MYO9B: variants seen among roughly 807,000 people sequenced by gnomAD.
MYO9B encodes myosin IXB, also known as unconventional myosin-IXb.
Under a neutral mutation model 229.5 loss-of-function variants are expected in MYO9B, and 71 were observed. The ratio of observed to expected loss-of-function variants is 0.31; its 90% confidence interval spans 0.26 to 0.38. MYO9B has a LOEUF of 0.38. MYO9B is among the 10% of genes least tolerant of loss of function. The pLI, the probability that MYO9B is intolerant of heterozygous loss-of-function variation, is 1.00. For synonymous variants in MYO9B, 1,185 were observed against 1,235.8 expected (o/e 0.96, Z 0.86); for missense variants, 2,255 against 2,920.5 (o/e 0.77, Z 5.25).
At chr19:17,130,207 A>G (rs2072176850) in intron 2 of MYO9B, among the ~76,000 whole-genome samples, 1 of 152,134 alleles carries the variant, frequency 6.6e-6, no homozygotes, top group South Asian at 2.1e-4. Context: ...ACAGTGGCTC[A>G]CACCTGTAAT....
chr19:17,162,491 A>G, intron 9 of MYO9B, 25 bp downstream of exon 9: 1 of 1,538,276 alleles, frequency 6.5e-7, no homozygotes, highest in Non-Finnish European at 8.8e-7. Flanking sequence ...TTGCTTCCTC[A>G]AGCCCGGCCA....
chr19:17,081,758 G>A (rs1173700245), intron 1 of MYO9B, among the ~76,000 whole-genome samples: 4 of 147,082 alleles, frequency 2.7e-5, no homozygotes, highest in Admixed American at 6.9e-5. Context: ...GCAGTGAGCC[G>A]TGATCTTGTG....
chr19:17,189,663 C>CACAAGTCCTAGACTGT (rs2072959129), intron 19 of MYO9B, among the ~76,000 whole-genome samples: 1 of 151,996 alleles, frequency 6.6e-6, no homozygotes, highest in Non-Finnish European at 1.5e-5. Flanking sequence ...CTAACTCCCC[C>CACAAGTCCTAGACTGT]ACAAGTCCTA....
chr19:17,209,855 G>C, intron 36 of MYO9B, 146 bp downstream of exon 36: 2 of 1,130,898 alleles, frequency 1.8e-6, no homozygotes, highest in Non-Finnish European at 2.5e-6. Flanking sequence ...GACCTCCCAT[G>C]CCGAGGATGG....
intron 4 of MYO9B, 63 bp downstream of exon 4, chr19:17,152,769 A>C: frequency 6.9e-7 from 1 of 1,455,096 alleles, no homozygotes; most frequent in Non-Finnish European, 9.5e-7. Context: ...CCTCCTACAG[A>C]GGAGAGAAGC....
chr19:17,194,605 G>A lies in MYO9B; in HGVS notation c.3178G>A (p.Glu1060Lys). 6.2e-7 allele frequency: 1 copy of A among 1,612,840 alleles called. No individual in the cohort carries two copies. The highest frequency in any genetic ancestry group is 8.5e-7 in the Non-Finnish European group (1 of 1,179,872). The change falls in exon 22 of 40, where the codon GAA becomes AAA. Residue 1060 changes from glutamate (E) to lysine (K), a missense_variant. Glu to Lys is a moderately conservative substitution (Grantham distance 56). Transcript: ENST00000682292. ...GCAGAAGGCAGAAGAGAAGGAGAGG[G>A]AAGCCCTGGAAGCCGCAAGAGCAGG... ...EKQKAEEKER[E>K]ALEAARAGAE...
At chr19:17,087,201 G>A (rs557070910) in intron 1 of MYO9B, among the ~76,000 whole-genome samples, 2 of 152,110 alleles carry the variant, frequency 1.3e-5, no homozygotes, top group Non-Finnish European at 2.9e-5. Context: ...GGGCCTGGAG[G>A]GGTGGGCGTA....
chr19:17,185,070 G>A (rs1015803946), intron 17 of MYO9B, 83 bp downstream of exon 17: 40 of 1,587,862 alleles, frequency 2.5e-5, no homozygotes, highest in African/African-American at 1.2e-4. Context: ...AGCACAGCCC[G>A]TCTCTAGTAA....
At chr19:17,128,194 T>C (rs904154665) in intron 2 of MYO9B, among the ~76,000 whole-genome samples, 7 of 150,154 alleles carry the variant, frequency 4.7e-5, no homozygotes, top group Admixed American at 1.3e-4. Flanking sequence ...CTGGGCAACA[T>C]AGCAAGACCC....
intron 2 of MYO9B, among the ~76,000 whole-genome samples, chr19:17,108,755 C>T (rs181499413): frequency 1.7e-3 from 260 of 152,224 alleles, no homozygotes; most frequent in Non-Finnish European, 3.0e-3. Flanking sequence ...CTTGCTCTAT[C>T]GCCCAGGCTG....
intron 18 of MYO9B, among the ~76,000 whole-genome samples, chr19:17,187,317 C>G (rs768425047): frequency 6.6e-6 from 1 of 152,218 alleles, no homozygotes; most frequent in Non-Finnish European, 1.5e-5. Context: ...CGCCCCATCA[C>G]CTGTGTGTGA....
chr19:17,205,322 A>G lies in MYO9B; in HGVS notation c.5050A>G (p.Thr1684Ala), dbSNP rs1221975650. ...VHKIQSHCSY[T>A]YGRKGEPGVE... ...CAAGATTCAGAGCCACTGCTCCTACACCTACGGGAGGAAGGTGAGTGTACG... is the reference window on the plus strand; with the variant it reads ...CAAGATTCAGAGCCACTGCTCCTACGCCTACGGGAGGAAGGTGAGTGTACG... The change falls in exon 31 of 40, where the codon ACC becomes GCC. Residue 1684 changes from threonine (T) to alanine (A), a missense_variant. By Grantham distance (58) the Thr-to-Ala change is moderately conservative. Around this residue, in one of 7 missense-constraint regions of MYO9B, gnomAD observed 416 missense variants for 605.5 expected, o/e 0.69. Coordinates refer to ENST00000682292, the MANE Select transcript of MYO9B (RefSeq NM_004145.4). The G allele has an allele frequency of 6.2e-7, 1 of 1,613,642 alleles. No homozygotes were observed. The highest frequency in any genetic ancestry group is 1.7e-5 in the Admixed American group (1 of 60,008).
rs150342480 is a variant in MYO9B at position 17,115,561 on chromosome 19, C to T, written c.840+13004C>T. On this transcript the variant is annotated intron_variant, in intron 2 of 39. Coordinates refer to ENST00000682292, the MANE Select transcript of MYO9B (RefSeq NM_004145.4). ...TCAGTTCACTGCAACCTCCGCCTCCCGGGTTCAAGCAATTCTCCTGCTTCA... is the reference window on the plus strand; with the variant it reads ...TCAGTTCACTGCAACCTCCGCCTCCTGGGTTCAAGCAATTCTCCTGCTTCA... Among the ~76,000 whole-genome samples the T allele has an allele frequency of 2.8e-3, 419 of 151,556 alleles. 1 individual carries two copies. The highest frequency in any genetic ancestry group is 0.01 in the Middle Eastern group (3 of 294).
intron 1 of MYO9B, among the ~76,000 whole-genome samples, chr19:17,088,201 G>A (rs986943329): frequency 7.9e-5 from 12 of 152,202 alleles, no homozygotes; most frequent in African/African-American, 2.4e-4. Flanking sequence ...ATGGCCTGTG[G>A]CCACATCACT....
chr19:17,172,603 G>T lies in MYO9B; in HGVS notation c.1935+126G>T. On this transcript the variant is annotated intron_variant, in intron 12 of 39. Transcript: ENST00000682292. The surrounding 1 kb of genome is among the most constrained non-coding windows in gnomAD (Gnocchi z 8.2). ...GCTCAGAACCCACCGCGAATCCCCG[G>T]CTCCAATGTCCAAGGCGCCATAGTT... 10 of 1,461,272 alleles carry T rather than the reference G, an allele frequency of 6.8e-6. No individual in the cohort carries two copies. Among genetic ancestry groups the T allele is most frequent in the Non-Finnish European group, 9.3e-6 (10 of 1,076,068 alleles). The allele number at this position is 1,461,272 out of a possible 1,614,324, so 90.5% of individuals were successfully genotyped here. A position where few individuals can be genotyped will look rare whatever the true frequency, so the allele number is the denominator to read the frequency against.
intron 15 of MYO9B, among the ~76,000 whole-genome samples, chr19:17,182,900 C>T (rs1249113736): frequency 3.9e-5 from 6 of 152,086 alleles, no homozygotes. Flanking sequence ...CCTTCCTTAC[C>T]TCGGCCAAAA....
At chr19:17,189,835 G>A (rs952289319) in intron 19 of MYO9B, among the ~76,000 whole-genome samples, 2 of 151,800 alleles carry the variant, frequency 1.3e-5, no homozygotes, top group South Asian at 2.1e-4. Flanking sequence ...AGCCTGAGGC[G>A]GGCGGATCAC....
intron 2 of MYO9B, among the ~76,000 whole-genome samples, chr19:17,109,987 C>T (rs2057831621): frequency 1.3e-5 from 2 of 152,280 alleles, no homozygotes; most frequent in Admixed American, 1.3e-4. Flanking sequence ...AAAGCCTAAC[C>T]CGGGGTTTGA....
intron 2 of MYO9B, among the ~76,000 whole-genome samples, chr19:17,143,288 A>G (rs1299694874): frequency 2.0e-5 from 3 of 151,958 alleles, no homozygotes; most frequent in African/African-American, 7.2e-5. Flanking sequence ...AGACACAGAG[A>G]TAAAGAGTGA....
Sources: gnomAD v4.1 joint callset for allele counts (sites outside exome capture counted in the v4.1 genomes callset) on GRCh38, gnomAD v4.1.1 for gene constraint, gnomAD v4.1.1 regional missense constraint, Gnocchi (gnomAD v3.1) non-coding constraint, MANE v1.5 for transcripts, NCBI Gene and HGNC (gene_info 2026-07-23, HGNC 2026-07-21) for gene names.